The following DOK6 variants were observed in gnomAD, a reference collection of about 807,000 sequenced individuals.
DOK6 encodes docking protein 6.
A neutral mutation model predicts 44.0 loss-of-function variants in DOK6; 22 were observed. The ratio of observed to expected loss-of-function variants is 0.50; its 90% CI spans 0.36 to 0.71. DOK6 has a LOEUF of 0.71. Ranked by LOEUF, DOK6 falls within the 30% of genes least tolerant of loss-of-function variation. The pLI, the probability that DOK6 is intolerant of heterozygous loss-of-function variation, is 0.00. For synonymous variants in DOK6, 166 were observed against 145.5 expected (o/e 1.14, Z -1.01); for missense variants, 340 against 416.4 (o/e 0.82, Z 1.60).
intron 7 of DOK6, 82 bp from the exon 8 acceptor site, chr18:69,841,162 G>A: frequency 1.3e-6 from 2 of 1,534,598 alleles, no homozygotes; most frequent in Non-Finnish European, 1.8e-6. Context: ...TAGATAGATA[G>A]ATAATAGATA....
chr18:69,449,038 C>A (rs1979377846), intron 1 of DOK6, among the ~76,000 whole-genome samples: 1 of 152,174 alleles, frequency 6.6e-6, no homozygotes, highest in Non-Finnish European at 1.5e-5. Flanking sequence ...ATAACCAGGA[C>A]TGTATTAGAC....
intron 1 of DOK6, among the ~76,000 whole-genome samples, chr18:69,535,143 G>A (rs2144576485): frequency 6.6e-6 from 1 of 152,136 alleles, no homozygotes; most frequent in Admixed American, 6.5e-5. Context: ...TTTATAGATT[G>A]GTATGAGGGG....
At chr18:69,576,030 T>C (rs1035037694) in intron 2 of DOK6, among the ~76,000 whole-genome samples, 11 of 152,196 alleles carry the variant, frequency 7.2e-5, no homozygotes, top group Non-Finnish European at 8.8e-5. Context: ...TAATTCCTCA[T>C]GGCTTGCTCC....
At chr18:69,793,153 C>G (rs1340381910) in intron 7 of DOK6, among the ~76,000 whole-genome samples, 1 of 152,140 alleles carries the variant, frequency 6.6e-6, no homozygotes, top group East Asian at 1.9e-4. Flanking sequence ...AGCCTGAAAG[C>G]TGAGACCAGT....
chr18:69,599,426 C>A lies in DOK6; in HGVS notation c.217C>A (p.Arg73=), dbSNP rs891379519. Residue 73 remains arginine (R), a synonymous_variant, in exon 3 of 8, where the codon CGA becomes AGA. Coordinates refer to ENST00000382713, the MANE Select transcript of DOK6 (RefSeq NM_152721.6). ...TATCAAAAATATAACCAGACTGCCC[C>A]GAGAGACAAAGAAGCATGCGGTGGC... The part of the protein sequence containing the change: ...HNIKNITRLP[R]ETKKHAVAII... 1 of 1,613,796 alleles carries A rather than the reference C, an allele frequency of 6.2e-7. No homozygotes were observed. Among genetic ancestry groups the A allele is most frequent in the Non-Finnish European group, 8.5e-7 (1 of 1,179,914 alleles).
rs188429137 is a variant in DOK6, at chr18:69,728,681, G to A, written c.600-10284G>A. ...AGTAACTTCCTGCCCCCCTTTACCC[G>A]AGTTCTGCTGTGTCTGCAGCTGTTT... On this transcript the variant is annotated intron_variant, in intron 5 of 7. Transcript: ENST00000382713. Among the ~76,000 whole-genome samples the A allele has an allele frequency of 1.7e-3, 263 of 151,172 alleles. 7 individuals are homozygous for A. The highest frequency in any genetic ancestry group is 0.016 in the Admixed American group (248 of 15,168).
In DOK6 at chr18:69,644,335, G is replaced by A. The variant is rs77193272; in HGVS notation, c.290-33399G>A. Among the ~76,000 whole-genome samples, 2,031 of 152,068 alleles carry A rather than the reference G, an allele frequency of 0.013. 110 individuals carry two copies. The East Asian group carries it at 0.15, about 11-fold the overall frequency. On this transcript the variant is annotated intron_variant, in intron 3 of 7. Coordinates refer to ENST00000382713, the MANE Select transcript of DOK6 (RefSeq NM_152721.6). ...AATGCCAAATCTAAGAACTCTTTGC[G>A]TACTCTTAATTCCTAAAGGTTTTTT...
intron 1 of DOK6, among the ~76,000 whole-genome samples, chr18:69,457,199 G>A (rs536896312): frequency 1.3e-5 from 2 of 151,934 alleles, no homozygotes; most frequent in South Asian, 4.2e-4. Flanking sequence ...TTGCTTTTGG[G>A]GACTTAGCCA....
intron 2 of DOK6, among the ~76,000 whole-genome samples, chr18:69,568,628 T>C (rs1313986574): frequency 6.6e-6 from 1 of 152,182 alleles, no homozygotes; most frequent in Non-Finnish European, 1.5e-5. Flanking sequence ...GGCTGTGGCC[T>C]GTTAGAAACC....
In DOK6 at chr18:69,813,663, T is replaced by C. The variant is rs189248769; in HGVS notation, c.857-27581T>C. ...GGTTAAGTGATGGGATAGGGGAACC[T>C]AAGGAAAGCTTTGTCTTTAAAAGGA... On this transcript the variant is annotated intron_variant, in intron 7 of 7. Transcript: ENST00000382713. Among the ~76,000 whole-genome samples the C allele has an allele frequency of 3.6e-3, 543 of 152,188 alleles. 1 individual carries two copies. The highest frequency in any genetic ancestry group is 6.4e-3 in the Non-Finnish European group (434 of 67,998).
At chr18:69,442,241 T>C (rs1198604904) in intron 1 of DOK6, among the ~76,000 whole-genome samples, 2 of 152,182 alleles carry the variant, frequency 1.3e-5, no homozygotes, top group Non-Finnish European at 2.9e-5. Context: ...TTTTTAAAGA[T>C]CTTCAAAGAC....
chr18:69,429,313 T>C (rs1313923614), intron 1 of DOK6, among the ~76,000 whole-genome samples: 1 of 152,092 alleles, frequency 6.6e-6, no homozygotes, highest in African/African-American at 2.4e-5. Flanking sequence ...AGAATCTTTA[T>C]TCTTTGGAGA....
At chr18:69,572,024 T>C (rs1416578048) in intron 2 of DOK6, among the ~76,000 whole-genome samples, 3 of 152,140 alleles carry the variant, frequency 2.0e-5, no homozygotes, top group East Asian at 3.8e-4. Flanking sequence ...TTGTGTTCTT[T>C]GACCATAGAT....
In DOK6 at chr18:69,442,742, ATACTT is replaced by A. The variant is rs1171168847; in HGVS notation, c.66+41433_66+41437del. Among the ~76,000 whole-genome samples, 3 of 145,534 alleles carry A rather than the reference ATACTT, an allele frequency of 2.1e-5. No individual in the cohort carries two copies. The East Asian group carries it at 5.8e-4, about 28-fold the overall frequency. ...CACATGTTGCTTATTGTCTTATACT[ATACTT>A]ATATATGTTGCTTATTGTCTTATAC... On this transcript the variant is annotated intron_variant, in intron 1 of 7. Coordinates refer to ENST00000382713, the MANE Select transcript of DOK6 (RefSeq NM_152721.6).
intron 1 of DOK6, among the ~76,000 whole-genome samples, chr18:69,555,313 T>G (rs1354261230): frequency 1.3e-5 from 2 of 152,104 alleles, no homozygotes; most frequent in East Asian, 3.8e-4. Flanking sequence ...TGGAAAAGAG[T>G]AACATGCTTT....
chr18:69,826,072 C>T (rs965946099), intron 7 of DOK6, among the ~76,000 whole-genome samples: 21 of 152,116 alleles, frequency 1.4e-4, no homozygotes, highest in Non-Finnish European at 4.4e-5. Context: ...CTTCAGTGTC[C>T]TCATCTAAGA....
intron 1 of DOK6, among the ~76,000 whole-genome samples, chr18:69,538,456 C>G (rs1217386116): frequency 6.6e-6 from 1 of 152,030 alleles, no homozygotes; most frequent in Non-Finnish European, 1.5e-5. Context: ...GAACACAACT[C>G]CCTGCAGCCT....
At chr18:69,777,570 A>G (rs1012348358) in intron 7 of DOK6, among the ~76,000 whole-genome samples, 1 of 152,030 alleles carries the variant, frequency 6.6e-6, no homozygotes, top group African/African-American at 2.4e-5. Context: ...CAATTGACTC[A>G]GTTCTATTAA....
intron 4 of DOK6, among the ~76,000 whole-genome samples, chr18:69,697,252 T>C (rs1986409373): frequency 6.6e-6 from 1 of 152,196 alleles, no homozygotes; most frequent in Admixed American, 6.5e-5. Context: ...TATGCTGTTA[T>C]GATGTATAAT....
Sources: allele counts gnomAD v4.1 joint callset (sites outside exome capture counted in the v4.1 genomes callset), GRCh38; gene constraint gnomAD v4.1.1; transcripts MANE v1.5; gene names NCBI Gene and HGNC (gene_info 2026-07-23, HGNC 2026-07-21).